The following PIK3R6 variants were observed in gnomAD, a reference collection of about 807,000 sequenced individuals.
The protein encoded by PIK3R6 is phosphoinositide-3-kinase regulatory subunit 6, also known as phosphoinositide 3-kinase regulatory subunit 6.
Under a neutral mutation model 84.9 loss-of-function variants are expected in PIK3R6, and 91 were observed. The ratio of observed to expected loss-of-function variants is 1.07; its 90% confidence interval spans 0.90 to 1.28. PIK3R6 has a LOEUF of 1.28. PIK3R6 is among the 50% of genes most tolerant of loss of function. The probability of loss-of-function intolerance (pLI) is 0.00; values close to 1 mark genes in which losing one functional copy is unlikely to be tolerated. For synonymous variants in PIK3R6, 416 were observed against 411.4 expected (o/e 1.01, Z -0.13); for missense variants, 996 against 985.1 (o/e 1.01, Z -0.15).
At chr17:8,859,952 TG>T (rs1427364966) in intron 1 of PIK3R6, among the ~76,000 whole-genome samples, 2 of 152,156 alleles carry the variant, frequency 1.3e-5, no homozygotes, top group African/African-American at 4.8e-5. Flanking sequence ...CTATCCTATT[TG>T]TTGTGTTCCT....
intron 2 of PIK3R6, 123 bp downstream of exon 2, chr17:8,849,659 G>T: frequency 9.0e-7 from 1 of 1,113,588 alleles, no homozygotes; most frequent in Non-Finnish European, 1.2e-6. Flanking sequence ...CCCTGAATTG[G>T]GGTCTTGCAG....
At chr17:8,857,554 A>C (rs1340293610) in intron 1 of PIK3R6, among the ~76,000 whole-genome samples, 1 of 152,244 alleles carries the variant, frequency 6.6e-6, no homozygotes, top group Non-Finnish European at 1.5e-5. Flanking sequence ...AAGAAAAGAA[A>C]TCTCACAGAT....
At chr17:8,830,783 A>G (rs529948724) in intron 9 of PIK3R6, among the ~76,000 whole-genome samples, 1 of 152,244 alleles carries the variant, frequency 6.6e-6, no homozygotes, top group East Asian at 1.9e-4. Context: ...CTGTGCTTAT[A>G]ATCACCACTC....
chr17:8,805,705 C>T (rs2087184574), intron 18 of PIK3R6, among the ~76,000 whole-genome samples: 1 of 152,052 alleles, frequency 6.6e-6, no homozygotes, highest in African/African-American at 2.4e-5. Context: ...CCCCTGAGGT[C>T]AGGAGTTCGA....
At chr17:8,832,520 C>A (rs1236069301) in intron 9 of PIK3R6, among the ~76,000 whole-genome samples, 1 of 149,864 alleles carries the variant, frequency 6.7e-6, no homozygotes, top group Non-Finnish European at 1.5e-5. Context: ...GTAGCTGGGA[C>A]TGCAGGTGCC....
chr17:8,812,937 G>T (rs1030381893), intron 18 of PIK3R6, among the ~76,000 whole-genome samples: 1 of 151,734 alleles, frequency 6.6e-6, no homozygotes, highest in Non-Finnish European at 1.5e-5. Flanking sequence ...AAAATACGAA[G>T]GATCAACGAA....
intron 1 of PIK3R6, among the ~76,000 whole-genome samples, chr17:8,857,404 G>A (rs2089167183): frequency 6.6e-6 from 1 of 152,152 alleles, no homozygotes; most frequent in Non-Finnish European, 1.5e-5. Flanking sequence ...TGGGGTCATG[G>A]CCACTTCCCC....
At chr17:8,838,814 G>A (rs967127286) in intron 3 of PIK3R6, among the ~76,000 whole-genome samples, 159 bp from the exon 4 acceptor site, 1 of 152,202 alleles carries the variant, frequency 6.6e-6, no homozygotes, top group African/African-American at 2.4e-5. Flanking sequence ...CACCTGGGTG[G>A]GCTCCTCCCA....
Position 8,829,810 on chromosome 17 carries a change from C to G in PIK3R6, c.803-18G>C, listed in dbSNP as rs1339719213. 1.3e-6 allele frequency: 2 copies of G among 1,545,298 alleles called. No individual in the cohort carries two copies. Among genetic ancestry groups the G allele is most frequent in the South Asian group, 2.4e-5 (2 of 83,670 alleles). ...AAGGTCACCTGCAGAAAGGAGCAGG[C>G]TGTGGAGGCCATGGAGGAGGCCATG... On this transcript the variant is annotated intron_variant, in intron 9 of 19. Transcript: ENST00000619866.
chr17:8,819,399 C>T (rs2087644555), intron 17 of PIK3R6, among the ~76,000 whole-genome samples: 1 of 151,992 alleles, frequency 6.6e-6, no homozygotes, highest in Non-Finnish European at 1.5e-5. Flanking sequence ...CTGGTGAATC[C>T]ACAAGTTTCT....
chr17:8,829,046 C>T (rs2088064826), intron 10 of PIK3R6, 56 bp from the exon 11 acceptor site: 1 of 1,447,044 alleles, frequency 6.9e-7, no homozygotes, highest in Admixed American at 2.7e-5. Flanking sequence ...GGCTACGTTT[C>T]TGATTTCAGC....
At chr17:8,828,419 C>A in intron 11 of PIK3R6, 148 bp downstream of exon 11, 1 of 1,059,346 alleles carries the variant, frequency 9.4e-7, no homozygotes, top group Non-Finnish European at 1.4e-6. Flanking sequence ...GTGACGGCTG[C>A]GGGCACTGTG....
chr17:8,829,228 GAC>G (rs967824315), intron 10 of PIK3R6, among the ~76,000 whole-genome samples: 15 of 145,046 alleles, frequency 1.0e-4, no homozygotes, highest in African/African-American at 3.3e-4. Flanking sequence ...CACACACAGA[GAC>G]ACACTGAAAC....
intron 11 of PIK3R6, 32 bp downstream of exon 11, chr17:8,828,535 G>C (rs555591458): frequency 6.2e-7 from 1 of 1,601,882 alleles, no homozygotes; most frequent in African/African-American, 1.3e-5. Context: ...CCTGACCAGC[G>C]CCCACCCCCA....
chr17:8,837,694 G>A lies in PIK3R6; in HGVS notation c.258+109C>T, dbSNP rs547345908. Reference sequence around the variant, plus strand: ...CCAGTTTAGGGCAGGCAATCCAAGGGATTTTCTAGGCTCATCCTGGCGGAG... The same window carrying A: ...CCAGTTTAGGGCAGGCAATCCAAGGAATTTTCTAGGCTCATCCTGGCGGAG... On this transcript the variant is annotated intron_variant, in intron 5 of 19. Coordinates refer to ENST00000619866, the MANE Select transcript of PIK3R6 (RefSeq NM_001010855.4). 10 of 966,408 alleles carry A rather than the reference G, an allele frequency of 1.0e-5. No individual in the cohort carries two copies. The African/African-American group carries it at 1.3e-4, about 13-fold the overall frequency. 59.9% of individuals were successfully genotyped at this position (966,408 alleles called of 1,614,324 possible). A position where few individuals can be genotyped will look rare whatever the true frequency, so the allele number is the denominator to read the frequency against.
chr17:8,836,628 A>G lies in PIK3R6; in HGVS notation c.392-12T>C. 1 of 1,613,902 alleles carries G rather than the reference A, an allele frequency of 6.2e-7. No individual in the cohort carries two copies. The highest frequency in any genetic ancestry group is 1.1e-5 in the South Asian group (1 of 91,082). ...TTGGTACAGTGTCCCTGCAAACCAG[A>G]CCACTTTGGCCAAACAGCCCCCAAG... On this transcript the variant is annotated splice_polypyrimidine_tract_variant and intron_variant, in intron 6 of 19. Transcript: ENST00000619866.
intron 13 of PIK3R6, among the ~76,000 whole-genome samples, chr17:8,824,817 G>C (rs534687641): frequency 6.6e-6 from 1 of 152,082 alleles, no homozygotes; most frequent in African/African-American, 2.4e-5. Flanking sequence ...AGACATTTTC[G>C]GATCAGGTAT....
At chr17:8,849,668 AG>A in intron 2 of PIK3R6, 113 bp downstream of exon 2, 1 of 1,230,506 alleles carries the variant, frequency 8.1e-7, no homozygotes, top group Non-Finnish European at 1.1e-6. Context: ...GGGGTCTTGC[AG>A]CCTGTCTATG....
rs999852674 is a variant in PIK3R6, at chr17:8,862,940, C to T, written c.-92+4589G>A. On this transcript the variant is annotated intron_variant, in intron 1 of 19. Transcript: ENST00000619866. This position sits in a 1 kb window ranked among gnomAD's most constrained non-coding sequence, Gnocchi z 4.3. The stretch of plus-strand genomic sequence containing the variant: ...CATTCACTCATGGTTTCACTTATTC[C>T]ATAGTTCCTGAGCACCTTCTATGTG... Among the ~76,000 whole-genome samples the T allele has an allele frequency of 1.3e-5, 2 of 152,178 alleles. No individual in the cohort carries two copies. Among genetic ancestry groups the T allele is most frequent in the African/African-American group, 4.8e-5 (2 of 41,416 alleles).
Sources: allele counts gnomAD v4.1 joint callset (sites outside exome capture counted in the v4.1 genomes callset), GRCh38; gene constraint gnomAD v4.1.1; non-coding constraint Gnocchi (gnomAD v3.1); transcripts MANE v1.5; gene names NCBI Gene and HGNC (gene_info 2026-07-23, HGNC 2026-07-21).